Variants in HMBOX1 observed in about 807,000 individuals in gnomAD.
HMBOX1 encodes homeobox-containing protein 1.
Under a neutral mutation model 54.5 loss-of-function variants are expected in HMBOX1, and 14 were observed. The observed-to-expected ratio is 0.26, with a 90% CI of 0.17 to 0.40. The LOEUF is 0.40. Ranked by LOEUF, HMBOX1 falls within the 10% of genes least tolerant of loss-of-function variation. The pLI, the probability that HMBOX1 is intolerant of heterozygous loss-of-function variation, is 1.00. For missense variants in HMBOX1, 332 were observed against 514.4 expected (o/e 0.65, Z 3.43); for synonymous variants, 160 against 181.0 (o/e 0.88, Z 0.93).
In HMBOX1 at chr8:29,051,663, G is replaced by C. The variant is rs970384772; in HGVS notation, c.*508G>C. 1 of 700,724 alleles carries C rather than the reference G, an allele frequency of 1.4e-6. No individual in the cohort carries two copies. The highest frequency in any genetic ancestry group is 2.0e-5 in the Admixed American group (1 of 49,970). The allele number at this position is 700,724 out of a possible 1,614,324, so 43.4% of individuals were successfully genotyped here. A position where few individuals can be genotyped will look rare whatever the true frequency, so the allele number is the denominator to read the frequency against. On this transcript the variant is annotated 3_prime_UTR_variant, in exon 10 of 10. Transcript: ENST00000287701. ...TCCCCACCTCAGCGTGAGGATAATT[G>C]ATTTCCAGCTGCAATAAGCCGTGCC...
In HMBOX1 at chr8:28,973,803, G is replaced by GTTTTTTTTTTTTTTTTTT. The variant is rs71222583; in HGVS notation, c.500+3298_500+3315dup. 1.1e-3 allele frequency among the ~76,000 whole-genome samples: 80 copies of GTTTTTTTTTTTTTTTTTT among 72,652 alleles called. 7 individuals are homozygous for GTTTTTTTTTTTTTTTTTT. Among genetic ancestry groups the GTTTTTTTTTTTTTTTTTT allele is most frequent in the Admixed American group, 1.8e-3 (10 of 5,644 alleles). 47.7% of individuals were successfully genotyped at this position (72,652 alleles called of 152,430 possible). On this transcript the variant is annotated intron_variant, in intron 3 of 9. Transcript: ENST00000287701. Reference sequence around the variant, plus strand: ...TAATAATTTCGAGATACATAATGGAGTTTTTTTTTTTTTTTTTTTTTTTTT... The same window carrying GTTTTTTTTTTTTTTTTTT: ...TAATAATTTCGAGATACATAATGGAGTTTTTTTTTTTTTTTTTTTTTTTTTTTTTTTTTTTTTTTTTTT...
intron 6 of HMBOX1, among the ~76,000 whole-genome samples, chr8:29,045,016 G>A (rs1437961650): frequency 6.6e-6 from 1 of 152,168 alleles, no homozygotes; most frequent in Non-Finnish European, 1.5e-5. Context: ...CCATATCAAT[G>A]ACATCTTTTA....
Position 29,052,798 on chromosome 8 carries a change from C to T in HMBOX1, c.*1643C>T, listed in dbSNP as rs56896853. 0.077 allele frequency: 11,768 copies of T among 152,196 alleles called. 475 individuals are homozygous for T. The highest frequency in any genetic ancestry group is 0.088 in the African/African-American group (3,662 of 41,512). 9.4% of individuals were successfully genotyped at this position (152,196 alleles called of 1,614,324 possible). On this transcript the variant is annotated 3_prime_UTR_variant, in exon 10 of 10. Transcript: ENST00000287701. Reference sequence around the variant, plus strand: ...CACAACTGCTGTGGATTTTCTGCCTCGCTCCATCTCTCCTATGTATAATGA... The same window carrying T: ...CACAACTGCTGTGGATTTTCTGCCTTGCTCCATCTCTCCTATGTATAATGA...
chr8:29,031,822 A>G (rs1184033818), intron 6 of HMBOX1, among the ~76,000 whole-genome samples: 1 of 152,162 alleles, frequency 6.6e-6, no homozygotes, highest in Non-Finnish European at 1.5e-5. Flanking sequence ...TCAGGTTAAA[A>G]ATGTCATGCA....
At chr8:29,033,310 T>A (rs1803307492) in intron 6 of HMBOX1, among the ~76,000 whole-genome samples, 1 of 152,198 alleles carries the variant, frequency 6.6e-6, no homozygotes, top group African/African-American at 2.4e-5. Flanking sequence ...TTATACTCCT[T>A]ATGGAATGAC....
intron 4 of HMBOX1, among the ~76,000 whole-genome samples, chr8:29,003,776 T>TTGCA (rs992952045): frequency 6.6e-6 from 1 of 151,824 alleles, no homozygotes; most frequent in Admixed American, 6.6e-5. Context: ...ATAATTCTGC[T>TTGCA]TGCACTGTGG....
rs1563501959 is a variant in HMBOX1 at position 28,973,820 on chromosome 8, T to TTTTGTTTTTTG, written c.500+3304_500+3305insGTTTTTTGTTT. Among the ~76,000 whole-genome samples, 295 of 132,988 alleles carry TTTTGTTTTTTG rather than the reference T, an allele frequency of 2.2e-3. 6 individuals are homozygous for TTTTGTTTTTTG. The highest frequency in any genetic ancestry group is 7.9e-3 in the African/African-American group (263 of 33,180). The allele number at this position is 132,988 out of a possible 152,430, so 87.2% of individuals were successfully genotyped here. On this transcript the variant is annotated intron_variant, in intron 3 of 9. Transcript: ENST00000287701. ...ATAATGGAGTTTTTTTTTTTTTTTTTTTTTTTTTTTTTTTGAGACAGTCTC... is the reference window on the plus strand; with the variant it reads ...ATAATGGAGTTTTTTTTTTTTTTTTTTTTGTTTTTTGTTTTTTTTTTTTTTGAGACAGTCTC...
chr8:28,943,318 A>G (rs1308688948), intron 1 of HMBOX1, among the ~76,000 whole-genome samples: 1 of 152,244 alleles, frequency 6.6e-6, no homozygotes, highest in Non-Finnish European at 1.5e-5. Context: ...CCAAAAGCTT[A>G]TATACTGAGT....
At chr8:28,989,425 T>C (rs976650827) in intron 4 of HMBOX1, among the ~76,000 whole-genome samples, 9 of 152,238 alleles carry the variant, frequency 5.9e-5, no homozygotes, top group African/African-American at 2.2e-4. Context: ...GGCATTTTTT[T>C]TTCTTATAGA....
At chr8:28,926,881 CTGTTT>C (rs1258018300) in intron 1 of HMBOX1, among the ~76,000 whole-genome samples, 2 of 152,116 alleles carry the variant, frequency 1.3e-5, no homozygotes, top group Non-Finnish European at 2.9e-5. Context: ...ACTCAATAGT[CTGTTT>C]TAAGTTTTTC....
intron 4 of HMBOX1, among the ~76,000 whole-genome samples, chr8:29,006,054 G>A (rs1405521269): frequency 4.7e-5 from 7 of 147,524 alleles, no homozygotes; most frequent in Admixed American, 2.7e-4. Context: ...GTGCAGTGGC[G>A]CAATCTTGGC....
chr8:28,913,498 A>G (rs1356925972), intron 1 of HMBOX1, among the ~76,000 whole-genome samples: 3 of 152,080 alleles, frequency 2.0e-5, no homozygotes, highest in African/African-American at 7.2e-5. Flanking sequence ...TTTGTGTCTT[A>G]CTTTAAATAC....
intron 1 of HMBOX1, among the ~76,000 whole-genome samples, chr8:28,903,669 G>T (rs1351552794): frequency 1.3e-5 from 2 of 152,156 alleles, no homozygotes; most frequent in African/African-American, 4.8e-5. Context: ...CTTTCTTCCT[G>T]TTGTGTATGC....
At chr8:28,915,802 G>A (rs894323913) in intron 1 of HMBOX1, 1 of 151,998 alleles carries the variant, frequency 6.6e-6, no homozygotes. Flanking sequence ...CTGGGTTCAA[G>A]TGATCCTCTT....
At chr8:28,905,793 G>T (rs1261075308) in intron 1 of HMBOX1, among the ~76,000 whole-genome samples, 2 of 152,084 alleles carry the variant, frequency 1.3e-5, no homozygotes, top group African/African-American at 4.8e-5. Context: ...TTTCATATGG[G>T]CCTTTATATA....
At chr8:29,024,492 T>TG (rs1396670103) in intron 6 of HMBOX1, among the ~76,000 whole-genome samples, 2 of 152,106 alleles carry the variant, frequency 1.3e-5, no homozygotes, top group Non-Finnish European at 2.9e-5. Context: ...GTGTGGATAA[T>TG]GGACAAGAAA....
At chr8:28,945,320 A>G (rs1822230053) in intron 1 of HMBOX1, among the ~76,000 whole-genome samples, 1 of 152,242 alleles carries the variant, frequency 6.6e-6, no homozygotes, top group African/African-American at 2.4e-5. Context: ...TTTGTGCAAG[A>G]TCAAACTGCT....
chr8:29,038,372 A>AT (rs901878220), intron 6 of HMBOX1, among the ~76,000 whole-genome samples: 3 of 151,974 alleles, frequency 2.0e-5, no homozygotes, highest in African/African-American at 4.8e-5. Flanking sequence ...TTATTTTATC[A>AT]TTTTTTTATT....
intron 1 of HMBOX1, among the ~76,000 whole-genome samples, chr8:28,949,303 G>T (rs1822999138): frequency 2.6e-5 from 4 of 152,140 alleles, no homozygotes. Context: ...AGCTACCTTG[G>T]TGGAGGGGTG....
Sources: allele counts gnomAD v4.1 joint callset (sites outside exome capture counted in the v4.1 genomes callset), GRCh38; gene constraint gnomAD v4.1.1; transcripts MANE v1.5; gene names NCBI Gene and HGNC (gene_info 2026-07-23, HGNC 2026-07-21).